Variants in KCNMB2 observed in about 807,000 individuals in gnomAD.
KCNMB2 encodes the protein calcium-activated potassium channel subunit beta-2.
In KCNMB2, 9 loss-of-function variants were observed where a neutral mutation model predicts 24.5. The ratio of observed to expected loss-of-function variants is 0.37; its 90% CI spans 0.22 to 0.64. KCNMB2 has a LOEUF of 0.64. KCNMB2 is among the 30% of genes least tolerant of loss of function. KCNMB2 has a pLI of 0.63. For synonymous variants in KCNMB2, 109 were observed against 104.4 expected (o/e 1.04, Z -0.27); for missense variants, 226 against 284.3 (o/e 0.79, Z 1.47).
intron 1 of KCNMB2, among the ~76,000 whole-genome samples, chr3:178,806,735 A>C (rs1322973653): frequency 6.6e-6 from 1 of 151,764 alleles, no homozygotes; most frequent in Non-Finnish European, 1.5e-5. Context: ...CATTCTTAAA[A>C]TATCTTGACT....
intron 1 of KCNMB2, among the ~76,000 whole-genome samples, chr3:178,623,103 C>CA (rs992221395): frequency 5.3e-5 from 8 of 152,016 alleles, no homozygotes; most frequent in African/African-American, 1.4e-4. Context: ...CACCTACACA[C>CA]AAAAAAATGA....
At chr3:178,629,614 T>G (rs2035177) in intron 1 of KCNMB2, among the ~76,000 whole-genome samples, 1 of 152,040 alleles carries the variant, frequency 6.6e-6, no homozygotes, top group Non-Finnish European at 1.5e-5. Flanking sequence ...TATTTTGTTA[T>G]GTAATAGTTA....
At chr3:178,807,515 C>A (rs985638881) in intron 2 of KCNMB2, 50 bp downstream of exon 2, 2 of 1,483,034 alleles carry the variant, frequency 1.3e-6, no homozygotes, top group Admixed American at 1.7e-5. Flanking sequence ...TAACCTGACT[C>A]TCCAAAGAGG....
At chr3:178,793,392 G>GA (rs1220424324) in intron 1 of KCNMB2, among the ~76,000 whole-genome samples, 2 of 152,144 alleles carry the variant, frequency 1.3e-5, no homozygotes, top group East Asian at 3.9e-4. Flanking sequence ...ACATGGCAGA[G>GA]AAATAAGCTA....
intron 1 of KCNMB2, among the ~76,000 whole-genome samples, chr3:178,799,132 C>T (rs917862107): frequency 2.0e-5 from 3 of 152,058 alleles, no homozygotes; most frequent in Non-Finnish European, 4.4e-5. Flanking sequence ...ACCAAGGATG[C>T]CTACTTTCAC....
chr3:178,607,220 C>T (rs1718303604), intron 1 of KCNMB2, among the ~76,000 whole-genome samples: 2 of 152,028 alleles, frequency 1.3e-5, no homozygotes, highest in African/African-American at 2.4e-5. Flanking sequence ...TAAAAAACAT[C>T]GGGGCAGGTA....
chr3:178,796,876 T>C (rs535134792), intron 1 of KCNMB2, among the ~76,000 whole-genome samples: 2 of 151,408 alleles, frequency 1.3e-5, no homozygotes, highest in Admixed American at 1.3e-4. Context: ...CCATTCTTAA[T>C]AAAAGAAAAG....
chr3:178,696,721 T>C (rs1721891339), intron 1 of KCNMB2, among the ~76,000 whole-genome samples: 2 of 152,220 alleles, frequency 1.3e-5, no homozygotes, highest in Admixed American at 1.3e-4. Context: ...TTCTAACTTT[T>C]TGATGTGTGC....
intron 1 of KCNMB2, among the ~76,000 whole-genome samples, chr3:178,627,143 T>A (rs1409393474): frequency 6.6e-6 from 1 of 152,134 alleles, no homozygotes; most frequent in Non-Finnish European, 1.5e-5. Flanking sequence ...TTGAGATTTA[T>A]TTTATTCTCT....
chr3:178,602,887 T>C (rs2108509254), intron 1 of KCNMB2, among the ~76,000 whole-genome samples: 1 of 152,182 alleles, frequency 6.6e-6, no homozygotes, highest in East Asian at 1.9e-4. Context: ...CAGATGCAGC[T>C]GGTCTGGGGA....
At chr3:178,588,043 TC>T (rs1717522051) in intron 1 of KCNMB2, among the ~76,000 whole-genome samples, 1 of 152,046 alleles carries the variant, frequency 6.6e-6, no homozygotes, top group South Asian at 2.1e-4. Context: ...TCCGGCTTCA[TC>T]CATGTCCCTA....
chr3:178,664,026 C>A (rs115244346), intron 1 of KCNMB2, among the ~76,000 whole-genome samples: 1 of 152,024 alleles, frequency 6.6e-6, no homozygotes, highest in Non-Finnish European at 1.5e-5. Flanking sequence ...AAGAAAGAGT[C>A]GGGGTGTTCA....
At chr3:178,718,694 T>C (rs1032700704) in intron 1 of KCNMB2, among the ~76,000 whole-genome samples, 3 of 152,080 alleles carry the variant, frequency 2.0e-5, no homozygotes, top group African/African-American at 7.2e-5. Context: ...AGAGCTGGGG[T>C]TTAGACAAAT....
intron 1 of KCNMB2, among the ~76,000 whole-genome samples, chr3:178,656,308 T>C (rs1720340729): frequency 6.6e-6 from 1 of 152,240 alleles, no homozygotes; most frequent in South Asian, 2.1e-4. Flanking sequence ...TTTCTTTCAC[T>C]AGCTAGCAGG....
intron 1 of KCNMB2, among the ~76,000 whole-genome samples, chr3:178,581,918 G>A (rs1046562436): frequency 6.6e-6 from 1 of 152,194 alleles, no homozygotes; most frequent in Admixed American, 6.5e-5. Context: ...TGGTAGGAGT[G>A]TATATTAGTT....
chr3:178,538,284 T>A (rs889204715), intron 1 of KCNMB2, among the ~76,000 whole-genome samples: 5 of 152,226 alleles, frequency 3.3e-5, no homozygotes, highest in African/African-American at 1.2e-4. Flanking sequence ...TCTTGGTGCA[T>A]TTGATAGCTA....
intron 1 of KCNMB2, among the ~76,000 whole-genome samples, chr3:178,614,100 C>T (rs1041378195): frequency 2.7e-5 from 4 of 149,470 alleles, no homozygotes; most frequent in Non-Finnish European, 4.4e-5. Flanking sequence ...GAATCTAGTG[C>T]ATTCATTAGT....
Position 178,838,910 on chromosome 3 carries a change from A to T in KCNMB2, c.424-3743A>T, listed in dbSNP as rs1160423663. 2.6e-5 allele frequency among the ~76,000 whole-genome samples: 4 copies of T among 152,240 alleles called. No homozygotes were observed. In the East Asian group the frequency reaches 5.8e-4, roughly 22 times the overall value. On this transcript the variant is annotated intron_variant, in intron 4 of 4. Coordinates refer to ENST00000452583, the MANE Select transcript of KCNMB2 (RefSeq NM_181361.3). Reference sequence around the variant, plus strand: ...GACAGTAAGACGTGAGTTTTATAAAAAAAATAAGTTTATTAGGATAATTTT... The same window carrying T: ...GACAGTAAGACGTGAGTTTTATAAATAAAATAAGTTTATTAGGATAATTTT...
At chr3:178,694,002 A>G (rs1255406630) in intron 1 of KCNMB2, among the ~76,000 whole-genome samples, 2 of 150,924 alleles carry the variant, frequency 1.3e-5, no homozygotes, top group African/African-American at 4.9e-5. Context: ...GAGGGTGTGT[A>G]TTAGTCTCTT....
Sources: gnomAD v4.1 joint callset for allele counts (sites outside exome capture counted in the v4.1 genomes callset) on GRCh38, gnomAD v4.1.1 for gene constraint, MANE v1.5 for transcripts, NCBI Gene and HGNC (gene_info 2026-07-23, HGNC 2026-07-21) for gene names.